Variants in CNGB3 observed in about 807,000 individuals in gnomAD.
The protein encoded by CNGB3 is cyclic nucleotide gated channel subunit beta 3, also known as cyclic nucleotide-gated channel beta-3.
Under a neutral mutation model 92.8 loss-of-function variants are expected in CNGB3, and 86 were observed. The observed-to-expected ratio is 0.93, with a 90% confidence interval of 0.78 to 1.11. The LOEUF (loss-of-function observed/expected upper bound fraction) is 1.11, where lower values mean the gene tolerates loss of function less well. CNGB3 is among the 50% of genes least tolerant of loss of function. CNGB3 has a pLI of 0.00. For synonymous variants in CNGB3, 333 were observed against 332.7 expected (o/e 1.00, Z -0.01); for missense variants, 1,026 against 956.8 (o/e 1.07, Z -0.95).
rs1823231467 is a variant in CNGB3 at position 86,643,470 on chromosome 8, T to G, written c.1178+281A>C. Among the ~76,000 whole-genome samples, 2 of 151,432 alleles carry G rather than the reference T, an allele frequency of 1.3e-5. 1 individual carries two copies. The highest frequency in any genetic ancestry group is 4.1e-4 in the South Asian group (2 of 4,824). Reference sequence around the variant, plus strand: ...TTCCCAGTCTCTGTTATCTTTCCACTCTCTGTCTCTATGTGATCAAAATTT... The same window carrying G: ...TTCCCAGTCTCTGTTATCTTTCCACGCTCTGTCTCTATGTGATCAAAATTT... On this transcript the variant is annotated intron_variant, in intron 10 of 17. Transcript: ENST00000320005.
In CNGB3 at chr8:86,721,640, A is replaced by G. The variant is rs74497460; in HGVS notation, c.338+4891T>C. Among the ~76,000 whole-genome samples, 1,028 of 152,270 alleles carry G rather than the reference A, an allele frequency of 6.8e-3. 17 individuals carry two copies. Among genetic ancestry groups the G allele is most frequent in the African/African-American group, 0.024 (977 of 41,570 alleles). On this transcript the variant is annotated intron_variant, in intron 3 of 17. Coordinates refer to ENST00000320005, the MANE Select transcript of CNGB3 (RefSeq NM_019098.5). ...AAAAGTATTGCTTACCATAGAGGAA[A>G]ATTTCAATATGGGGCTAAAAGTAAT...
At position 86,597,504 on chromosome 8, in the gene CNGB3, G is replaced by T. The variant is rs1431614179; in HGVS notation, c.1781+6589C>A. ...GAACATCATTGGATGAAAGTGTACA[G>T]CAGGGAGACCTCGGAGGTCCCTATA... On this transcript the variant is annotated intron_variant, in intron 15 of 17. Transcript: ENST00000320005. Among the ~76,000 whole-genome samples the T allele has an allele frequency of 2.6e-5, 4 of 152,198 alleles. No individual in the cohort carries two copies. The East Asian group carries it at 7.7e-4, about 29-fold the overall frequency.
chr8:86,724,127 C>T (rs535671434), intron 3 of CNGB3, among the ~76,000 whole-genome samples: 1 of 152,160 alleles, frequency 6.6e-6, no homozygotes, highest in Non-Finnish European at 1.5e-5. Flanking sequence ...CAAACCCTTG[C>T]AACATGAAAT....
In CNGB3 at chr8:86,628,912, T is replaced by G; in HGVS notation, c.1480+7A>C. Reference sequence around the variant, plus strand: ...CAGGAATTTAATCGGTAATCTGCCATGCTTACCTAGCATTCTTTGAGAGTC... The same window carrying G: ...CAGGAATTTAATCGGTAATCTGCCAGGCTTACCTAGCATTCTTTGAGAGTC... On this transcript the variant is annotated splice_region_variant and intron_variant, in intron 12 of 17. Transcript: ENST00000320005. 1.2e-6 allele frequency: 2 copies of G among 1,613,630 alleles called. No individual in the cohort carries two copies. The highest frequency in any genetic ancestry group is 1.7e-6 in the Non-Finnish European group (2 of 1,179,578).
chr8:86,578,505 G>A (rs1284944774), intron 17 of CNGB3, among the ~76,000 whole-genome samples, 184 bp downstream of exon 17: 2 of 152,166 alleles, frequency 1.3e-5, no homozygotes, highest in Non-Finnish European at 2.9e-5. Flanking sequence ...AGGGTTAAAT[G>A]TGATGATATG....
At chr8:86,577,344 G>A (rs1245354080) in intron 17 of CNGB3, among the ~76,000 whole-genome samples, 2 of 152,018 alleles carry the variant, frequency 1.3e-5, no homozygotes, top group East Asian at 3.9e-4. Context: ...AGTTATTTTG[G>A]GCTTTAAACA....
chr8:86,579,056 C>G (rs1221735810), intron 16 of CNGB3, 50 bp downstream of exon 16: 1 of 1,612,186 alleles, frequency 6.2e-7, no homozygotes, highest in Non-Finnish European at 8.5e-7. Context: ...TCAGAGTTTA[C>G]AAAGTAAAAC....
At chr8:86,739,435 G>A (rs1193399623) in intron 2 of CNGB3, among the ~76,000 whole-genome samples, 2 of 152,172 alleles carry the variant, frequency 1.3e-5, no homozygotes, top group Non-Finnish European at 2.9e-5. Flanking sequence ...AACAGTGCCT[G>A]GCACATGTCA....
intron 3 of CNGB3, among the ~76,000 whole-genome samples, chr8:86,690,500 C>T (rs1001274715): frequency 6.6e-6 from 1 of 152,114 alleles, no homozygotes; most frequent in Non-Finnish European, 1.5e-5. Context: ...TTCTCCCATT[C>T]TGTAGGTTGC....
chr8:86,584,808 G>A (rs1047245487), intron 15 of CNGB3, among the ~76,000 whole-genome samples: 6 of 152,124 alleles, frequency 3.9e-5, no homozygotes, highest in African/African-American at 1.2e-4. Context: ...TATTTGCTAT[G>A]ACCTTAGACA....
chr8:86,575,667 C>G lies in CNGB3; in HGVS notation c.*137G>C. On this transcript the variant is annotated 3_prime_UTR_variant, in exon 18 of 18. Coordinates refer to ENST00000320005, the MANE Select transcript of CNGB3 (RefSeq NM_019098.5). ...ATGAAATCACACTCTCAGATAAGTC[C>G]TAGAAACTAAGCTAGGGATTTGCCT... 1.5e-6 allele frequency: 1 copy of G among 683,166 alleles called. No individual in the cohort carries two copies. The highest frequency in any genetic ancestry group is 2.5e-6 in the Non-Finnish European group (1 of 402,626). 42.3% of individuals were successfully genotyped at this position (683,166 alleles called of 1,614,324 possible). A position where few individuals can be genotyped will look rare whatever the true frequency, so the allele number is the denominator to read the frequency against.
At chr8:86,659,225 T>A (rs1391044640) in intron 6 of CNGB3, 2 of 738,416 alleles carry the variant, frequency 2.7e-6, no homozygotes, top group Non-Finnish European at 5.0e-6. Flanking sequence ...TGGCCCTCCC[T>A]CCTTTCAGAT....
At chr8:86,629,632 C>T (rs560326481) in intron 11 of CNGB3, among the ~76,000 whole-genome samples, 5 of 152,228 alleles carry the variant, frequency 3.3e-5, no homozygotes, top group Admixed American at 1.3e-4. Flanking sequence ...CTCTGTACTT[C>T]CCTTTGTGTT....
chr8:86,654,147 T>C lies in CNGB3; in HGVS notation c.853-85A>G. 8 of 916,058 alleles carry C rather than the reference T, an allele frequency of 8.7e-6. No individual in the cohort carries two copies. The South Asian group carries it at 1.1e-4, about 12-fold the overall frequency. The allele number at this position is 916,058 out of a possible 1,614,324, so 56.7% of individuals were successfully genotyped here. A position where few individuals can be genotyped will look rare whatever the true frequency, so the allele number is the denominator to read the frequency against. Reference sequence around the variant, plus strand: ...CTTTTAAATTTATAACTGTTTCTCTTGGTTGGTTCCTTCCAATCTCAGCCA... The same window carrying C: ...CTTTTAAATTTATAACTGTTTCTCTCGGTTGGTTCCTTCCAATCTCAGCCA... On this transcript the variant is annotated intron_variant, in intron 6 of 17. Transcript: ENST00000320005.
chr8:86,594,133 G>A (rs527503306), intron 15 of CNGB3: 52 of 297,646 alleles, frequency 1.7e-4, no homozygotes, highest in Non-Finnish European at 3.1e-4. Flanking sequence ...AAACCACGGA[G>A]GTCTGGGGAC....
chr8:86,624,864 G>A (rs756055190), intron 13 of CNGB3, among the ~76,000 whole-genome samples: 52 of 152,198 alleles, frequency 3.4e-4, no homozygotes, highest in South Asian at 2.9e-3. Context: ...TCACAGGGGC[G>A]GATTTCCTAT....
At chr8:86,737,781 T>C (rs972483910) in intron 2 of CNGB3, among the ~76,000 whole-genome samples, 9 of 152,188 alleles carry the variant, frequency 5.9e-5, no homozygotes, top group Non-Finnish European at 7.3e-5. Flanking sequence ...TTCCCATCTT[T>C]ATATGTGTAC....
At chr8:86,709,442 C>T (rs942596961) in intron 3 of CNGB3, among the ~76,000 whole-genome samples, 14 of 152,118 alleles carry the variant, frequency 9.2e-5, no homozygotes, top group African/African-American at 2.7e-4. Flanking sequence ...TTTCTGTGAG[C>T]CTGCTGCCCA....
At chr8:86,602,907 T>C (rs1434690545) in intron 15 of CNGB3, among the ~76,000 whole-genome samples, 1 of 152,214 alleles carries the variant, frequency 6.6e-6, no homozygotes, top group Admixed American at 6.5e-5. Context: ...AAAGACCATG[T>C]TATCTGGGTC....
Sources: gnomAD v4.1 joint callset for allele counts (sites outside exome capture counted in the v4.1 genomes callset) on GRCh38, gnomAD v4.1.1 for gene constraint, MANE v1.5 for transcripts, NCBI Gene and HGNC (gene_info 2026-07-23, HGNC 2026-07-21) for gene names.